Variants in FDCSP observed in about 807,000 individuals in gnomAD.
FDCSP encodes follicular dendritic cell secreted protein, also known as follicular dendritic cell secreted peptide.
In FDCSP, 8 loss-of-function variants were observed where a neutral mutation model predicts 8.9. That is an observed-to-expected ratio of 0.90 (90% CI 0.53 to 1.63). The LOEUF is 1.63. FDCSP is among the 40% of genes most tolerant of loss of function. The pLI is 0.00. For synonymous variants in FDCSP, 34 were observed against 34.5 expected, an observed-to-expected ratio of 0.98 and a Z score of 0.06; for missense variants, 101 against 103.6, an observed-to-expected ratio of 0.98 and a Z score of 0.11.
chr4:70,234,359 T>G lies in FDCSP; in HGVS notation c.*28+144T>G, dbSNP rs1199251677. ...TTTAATGTTTTTCTCTGGTAGATAC[T>G]GTCACGTGTGTCCACTCAGAAATAC... On this transcript the variant is annotated intron_variant, in intron 4 of 4. Transcript: ENST00000317987. 3 of 634,866 alleles carry G rather than the reference T, an allele frequency of 4.7e-6. No homozygotes were observed. The South Asian group carries it at 6.8e-5, about 14-fold the overall frequency. 39.3% of individuals were successfully genotyped at this position (634,866 alleles called of 1,614,324 possible). A position where few individuals can be genotyped will look rare whatever the true frequency, so the allele number is the denominator to read the frequency against.
At chr4:70,234,958 G>A (rs1730151239) in intron 4 of FDCSP, 127 bp from the exon 5 acceptor site, 1 of 151,452 alleles carries the variant, frequency 6.6e-6, no homozygotes, top group Admixed American at 6.6e-5. Context: ...TTGAGCAGAT[G>A]GTTTCCCAGT....
At chr4:70,232,867 T>C (rs1172656069) in intron 2 of FDCSP, 127 bp from the exon 3 acceptor site, 2 of 820,190 alleles carry the variant, frequency 2.4e-6, no homozygotes, top group East Asian at 2.7e-5. Flanking sequence ...TCTAGACAAA[T>C]TATGGGTATT....
chr4:70,227,646 CA>C (rs1730010213), intron 1 of FDCSP, among the ~76,000 whole-genome samples: 1 of 138,786 alleles, frequency 7.2e-6, no homozygotes, highest in South Asian at 2.5e-4. Context: ...ATCCATAAAT[CA>C]GGGACTTTCC....
chr4:70,229,559 G>A (rs752681868), intron 1 of FDCSP, among the ~76,000 whole-genome samples: 1 of 151,682 alleles, frequency 6.6e-6, no homozygotes, highest in Non-Finnish European at 1.5e-5. Flanking sequence ...TAAAGTAGGA[G>A]ACATGCGACT....
At chr4:70,230,532 C>T (rs1200535745) in intron 1 of FDCSP, among the ~76,000 whole-genome samples, 3 of 151,430 alleles carry the variant, frequency 2.0e-5, no homozygotes, top group Non-Finnish European at 4.4e-5. Flanking sequence ...CAATAAAATG[C>T]TTTGGAAAGT....
intron 1 of FDCSP, among the ~76,000 whole-genome samples, chr4:70,229,712 C>T (rs1730047452): frequency 2.0e-5 from 3 of 151,608 alleles, no homozygotes; most frequent in Admixed American, 1.3e-4. Context: ...GCAATCGAAA[C>T]ATTCACAAGA....
chr4:70,234,195 G>A lies in FDCSP; in HGVS notation c.*8G>A, dbSNP rs764249467. 2.5e-6 allele frequency: 4 copies of A among 1,606,668 alleles called. No individual in the cohort carries two copies. The highest frequency in any genetic ancestry group is 3.4e-6 in the Non-Finnish European group (4 of 1,175,834). ...CTTCCTAGCGAAAAGTAAACAAGAAGGAAAAGTCACGATAAACCTGGTAAG... is the reference window on the plus strand; with the variant it reads ...CTTCCTAGCGAAAAGTAAACAAGAAAGAAAAGTCACGATAAACCTGGTAAG... On this transcript the variant is annotated 3_prime_UTR_variant, in exon 4 of 5. Coordinates refer to ENST00000317987, the MANE Select transcript of FDCSP (RefSeq NM_152997.4).
Position 70,231,216 on chromosome 4 carries a change from A to C in FDCSP, c.22A>C (p.Ile8Leu). The change falls in exon 2 of 5, where the codon ATC (isoleucine) becomes CTC (leucine). Residue 8 changes from isoleucine (I) to leucine (L), a missense_variant. Physicochemically the swap from Ile to Leu is conservative, Grantham distance 5 (BLOSUM62 2). Transcript: ENST00000317987. MKKVLLL[I>L]TAILAVAVGF... ...GCAGATGAAGAAAGTTCTCCTCCTG[A>C]TCACAGCCATCTTGGCAGTGGCTGT... 2 of 1,600,538 alleles carry C rather than the reference A, an allele frequency of 1.2e-6. No homozygotes were observed. Among genetic ancestry groups the C allele is most frequent in the Non-Finnish European group, 8.5e-7 (1 of 1,172,948 alleles).
intron 1 of FDCSP, among the ~76,000 whole-genome samples, chr4:70,229,629 T>C (rs1730045978): frequency 6.6e-6 from 1 of 151,682 alleles, no homozygotes; most frequent in Admixed American, 6.6e-5. Flanking sequence ...CCAGATTTAA[T>C]ATTATCATGT....
intron 1 of FDCSP, among the ~76,000 whole-genome samples, chr4:70,228,413 A>C (rs1412282246): frequency 6.6e-6 from 1 of 151,718 alleles, no homozygotes; most frequent in South Asian, 2.1e-4. Context: ...TACTTCCTCC[A>C]CTGAAGTCTT....
chr4:70,227,812 G>A (rs932520900), intron 1 of FDCSP, among the ~76,000 whole-genome samples: 1 of 151,756 alleles, frequency 6.6e-6, no homozygotes, highest in Non-Finnish European at 1.5e-5. Flanking sequence ...TATGTTAAGT[G>A]TAATAGCAGT....
chr4:70,229,825 T>C (rs1378458916), intron 1 of FDCSP, among the ~76,000 whole-genome samples: 1 of 151,714 alleles, frequency 6.6e-6, no homozygotes, highest in Admixed American at 6.6e-5. Context: ...CCATAAAAGA[T>C]ATAATAAAAT....
intron 3 of FDCSP, among the ~76,000 whole-genome samples, 180 bp from the exon 4 acceptor site, chr4:70,233,840 T>G (rs1730128133): frequency 6.6e-6 from 1 of 151,604 alleles, no homozygotes. Context: ...TCTAAATAAT[T>G]TTTAAATGAT....
At position 70,226,550 on chromosome 4, in the gene FDCSP, C is replaced by T. The variant is rs1445439983; in HGVS notation, c.-1+368C>T. 2.0e-5 allele frequency among the ~76,000 whole-genome samples: 3 copies of T among 151,748 alleles called. No homozygotes were observed. In the South Asian group the frequency reaches 6.2e-4, roughly 32 times the overall value. Reference sequence around the variant, plus strand: ...GTCAGCAAACAGAGGGAATACGCCCCGCCAGAGATTCTCTAAAGTCTGAGC... The same window carrying T: ...GTCAGCAAACAGAGGGAATACGCCCTGCCAGAGATTCTCTAAAGTCTGAGC... On this transcript the variant is annotated intron_variant, in intron 1 of 4. Transcript: ENST00000317987.
At chr4:70,229,691 C>A (rs35537523) in intron 1 of FDCSP, among the ~76,000 whole-genome samples, 1 of 151,406 alleles carries the variant, frequency 6.6e-6, no homozygotes, top group South Asian at 2.1e-4. Flanking sequence ...GGGGCATGGC[C>A]AGTGAGTGGA....
chr4:70,231,918 T>C (rs1315142100), intron 2 of FDCSP, among the ~76,000 whole-genome samples: 2 of 151,670 alleles, frequency 1.3e-5, no homozygotes, highest in Admixed American at 1.3e-4. Flanking sequence ...CCTAAGCTAA[T>C]GTATATGTTT....
intron 4 of FDCSP, among the ~76,000 whole-genome samples, chr4:70,234,760 T>C (rs933769209): frequency 6.6e-6 from 1 of 151,302 alleles, no homozygotes; most frequent in Non-Finnish European, 1.5e-5. Context: ...GGTGTGTCAA[T>C]TACTAGATAA....
chr4:70,232,067 G>C (rs1399636835), intron 2 of FDCSP, among the ~76,000 whole-genome samples: 1 of 151,738 alleles, frequency 6.6e-6, no homozygotes, highest in African/African-American at 2.4e-5. Context: ...AAGAGTTAAA[G>C]TAAAATAGTT....
At chr4:70,228,703 G>C (rs1272367719) in intron 1 of FDCSP, among the ~76,000 whole-genome samples, 2 of 151,818 alleles carry the variant, frequency 1.3e-5, no homozygotes, top group Non-Finnish European at 2.9e-5. Flanking sequence ...TGTGTTAGCA[G>C]GCATGAAAAC....
Sources: gnomAD v4.1 joint callset for allele counts (sites outside exome capture counted in the v4.1 genomes callset) on GRCh38, gnomAD v4.1.1 for gene constraint, MANE v1.5 for transcripts, NCBI Gene and HGNC (gene_info 2026-07-23, HGNC 2026-07-21) for gene names.